Variants in PCDHGB2 observed in about 807,000 individuals in gnomAD.
PCDHGB2 encodes the protein protocadherin gamma-B2.
In PCDHGB2, 55 loss-of-function variants were observed where a neutral mutation model predicts 59.3. The ratio of observed to expected loss-of-function variants is 0.93; its 90% CI spans 0.75 to 1.16. PCDHGB2 has a LOEUF of 1.16. Among genes scored for constraint, PCDHGB2 ranks in the 50% most tolerant of loss-of-function variants. The pLI is 0.00. For missense variants in PCDHGB2, 1,228 were observed against 1,198.5 expected (o/e 1.02, Z -0.36); for synonymous variants, 516 against 512.0 (o/e 1.01, Z -0.11).
chr5:141,412,931 T>C (rs1010992022), intron 1 of PCDHGB2: 5 of 453,108 alleles, frequency 1.1e-5, no homozygotes, highest in African/African-American at 2.0e-5. Flanking sequence ...CAGTAACTTC[T>C]TAGGACTCTG....
intron 1 of PCDHGB2, chr5:141,415,485 T>C (rs2154545779): frequency 6.2e-7 from 1 of 1,614,044 alleles, no homozygotes; most frequent in South Asian, 1.1e-5. Flanking sequence ...CGCGAAAGAG[T>C]CACCTGATCT....
In PCDHGB2 at chr5:141,485,216, G is replaced by C. The variant is rs757059807; in HGVS notation, c.2422-9591G>C. On this transcript the variant is annotated intron_variant, in intron 1 of 3. Transcript: ENST00000522605. The surrounding 1 kb of genome is among the most constrained non-coding windows in gnomAD (Gnocchi z 5.7). ...AAGCTGGACAGAAATCTGGCGGTGG[G>C]CTACCCTTTTGTTCCTCTTTTACCA... 2.5e-6 allele frequency: 4 copies of C among 1,614,144 alleles called. No homozygotes were observed. In the South Asian group the frequency reaches 4.4e-5, roughly 18 times the overall value.
chr5:141,364,541 A>T (rs753562113), intron 1 of PCDHGB2: 3 of 1,614,130 alleles, frequency 1.9e-6, no homozygotes, highest in Middle Eastern at 1.7e-4. Context: ...CTCCAGAGGT[A>T]GGACGCAGCT....
At chr5:141,440,770 G>A (rs2098199385) in intron 1 of PCDHGB2, 1 of 152,176 alleles carries the variant, frequency 6.6e-6, no homozygotes, top group African/African-American at 2.4e-5. Flanking sequence ...CCATCCCTTA[G>A]TGCTAGCAGC....
chr5:141,398,111 T>C, intron 1 of PCDHGB2: 1 of 1,594,080 alleles, frequency 6.3e-7, no homozygotes, highest in East Asian at 2.2e-5. Context: ...GTGAGCAAGC[T>C]GAGGAGAGCA....
chr5:141,370,882 G>T, intron 1 of PCDHGB2: 1 of 1,614,012 alleles, frequency 6.2e-7, no homozygotes, highest in Non-Finnish European at 8.5e-7. Context: ...CCTGATGTAG[G>T]TGTCAATTCG....
intron 1 of PCDHGB2, among the ~76,000 whole-genome samples, chr5:141,475,253 A>C (rs2099360990): frequency 6.6e-6 from 1 of 152,200 alleles, no homozygotes; most frequent in Non-Finnish European, 1.5e-5. Flanking sequence ...GTGCTCTACA[A>C]CTGAGATCAT....
At chr5:141,402,859 G>A (rs1314987043) in intron 1 of PCDHGB2, 8 of 1,428,738 alleles carry the variant, frequency 5.6e-6, no homozygotes, top group Non-Finnish European at 7.4e-6. Flanking sequence ...TTCTTCTAAG[G>A]AAAAGATCAC....
chr5:141,497,829 C>T (rs754594104), intron 2 of PCDHGB2, among the ~76,000 whole-genome samples: 147 of 152,160 alleles, frequency 9.7e-4, no homozygotes, highest in Non-Finnish European at 1.8e-3. Flanking sequence ...TGTGATCGCC[C>T]CCGGCCACAA....
chr5:141,389,741 G>A, intron 1 of PCDHGB2: 2 of 1,612,676 alleles, frequency 1.2e-6, no homozygotes, highest in African/African-American at 1.3e-5. Context: ...GCCTGGGGCT[G>A]CGCACGGGCG....
At chr5:141,371,049 G>T in intron 1 of PCDHGB2, 1 of 1,613,942 alleles carries the variant, frequency 6.2e-7, no homozygotes, top group Non-Finnish European at 8.5e-7. Flanking sequence ...GGATGGGGGC[G>T]AGCCCTCCAG....
At chr5:141,415,482 G>A in intron 1 of PCDHGB2, 1 of 1,614,218 alleles carries the variant, frequency 6.2e-7, no homozygotes, top group Non-Finnish European at 8.5e-7. Flanking sequence ...ACTCGCGAAA[G>A]AGTCACCTGA....
chr5:141,420,255 A>G lies in PCDHGB2; in HGVS notation c.2421+57699A>G, dbSNP rs917458059. The G allele has an allele frequency of 7.6e-6, 12 of 1,569,630 alleles. No homozygotes were observed. Among genetic ancestry groups the G allele is most frequent in the African/African-American group, 1.4e-5 (1 of 73,152 alleles). ...ATTTTAACTCCCAGCGTTGAAGCAG[A>G]TAAGAAGATTCTTAAACAGGTAAGT... is the stretch of plus-strand genomic sequence containing the variant. On this transcript the variant is annotated intron_variant, in intron 1 of 3. Coordinates refer to ENST00000522605, the MANE Select transcript of PCDHGB2 (RefSeq NM_018923.3).
In PCDHGB2 at chr5:141,431,048, A is replaced by G; in HGVS notation, c.2422-63759A>G. The G allele has an allele frequency of 6.2e-7, 1 of 1,614,180 alleles. No homozygotes were observed. Among genetic ancestry groups the G allele is most frequent in the Non-Finnish European group, 8.5e-7 (1 of 1,180,018 alleles). The stretch of plus-strand genomic sequence containing the variant: ...CAGGATAGACCGGGAGGAGCTCTGT[A>G]TGGGGGCCATCAAGTGTCAATTAAA... On this transcript the variant is annotated intron_variant, in intron 1 of 3. Coordinates refer to ENST00000522605, the MANE Select transcript of PCDHGB2 (RefSeq NM_018923.3). This position sits in a 1 kb window ranked among gnomAD's most constrained non-coding sequence, Gnocchi z 4.8.
At position 141,508,909 on chromosome 5, in the gene PCDHGB2, G is replaced by A. The variant is rs545345992; in HGVS notation, c.2570-2038G>A. ...GAGGGGAGGGGGCGGGGCGGTGGCG[G>A]ATCTGGCTTCCTTTTGGAGTTAATT... is the stretch of plus-strand genomic sequence containing the variant. On this transcript the variant is annotated intron_variant, in intron 3 of 3. Coordinates refer to ENST00000522605, the MANE Select transcript of PCDHGB2 (RefSeq NM_018923.3). 2.0e-5 allele frequency among the ~76,000 whole-genome samples: 3 copies of A among 152,202 alleles called. No homozygotes were observed. The South Asian group carries it at 6.2e-4, about 32-fold the overall frequency.
chr5:141,413,842 G>C, intron 1 of PCDHGB2: 1 of 1,613,294 alleles, frequency 6.2e-7, no homozygotes, highest in Non-Finnish European at 8.5e-7. Flanking sequence ...CGACGGGGGT[G>C]ACCCTCTCCG....
intron 1 of PCDHGB2, chr5:141,419,779 GCGCCTGCTAGT>G: frequency 6.2e-7 from 1 of 1,614,064 alleles, no homozygotes; most frequent in Non-Finnish European, 8.5e-7. Flanking sequence ...CGGTCCGCCA[GCGCCTGCTAGT>G]CGCTGTAAGA....
At position 141,487,051 on chromosome 5, in the gene PCDHGB2, G is replaced by A. The variant is rs1348441475; in HGVS notation, c.2422-7756G>A. The A allele has an allele frequency of 3.7e-6, 6 of 1,614,024 alleles. No individual in the cohort carries two copies. The highest frequency in any genetic ancestry group is 5.1e-6 in the Non-Finnish European group (6 of 1,180,024). On this transcript the variant is annotated intron_variant, in intron 1 of 3. Coordinates refer to ENST00000522605, the MANE Select transcript of PCDHGB2 (RefSeq NM_018923.3). This position sits in a 1 kb window ranked among gnomAD's most constrained non-coding sequence, Gnocchi z 5.0. ...TGTTTGCAGTCTCTCGATATGCTGG[G>A]GAGGTGCGGACGGCTGTTCCTATCC... is the stretch of plus-strand genomic sequence containing the variant.
intron 1 of PCDHGB2, among the ~76,000 whole-genome samples, chr5:141,429,903 T>C (rs1276564046): frequency 2.0e-5 from 3 of 152,252 alleles, no homozygotes; most frequent in African/African-American, 7.2e-5. Flanking sequence ...TAAATATTTT[T>C]GAAATATAAT....
Sources: allele counts gnomAD v4.1 joint callset (sites outside exome capture counted in the v4.1 genomes callset), GRCh38; gene constraint gnomAD v4.1.1; non-coding constraint Gnocchi (gnomAD v3.1); transcripts MANE v1.5; gene names NCBI Gene and HGNC (gene_info 2026-07-23, HGNC 2026-07-21).